The following KIAA0319 variants were observed in gnomAD, a reference collection of about 807,000 sequenced individuals.
KIAA0319 encodes the protein KIAA0319.
A neutral mutation model predicts 108.4 loss-of-function variants in KIAA0319; 83 were observed. The observed-to-expected ratio is 0.77, with a 90% confidence interval of 0.64 to 0.92. The LOEUF is 0.92. Ranked by LOEUF, KIAA0319 falls within the 40% of genes least tolerant of loss-of-function variation. The pLI, the probability that KIAA0319 is intolerant of heterozygous loss-of-function variation, is 0.00. For missense variants in KIAA0319, 1,195 were observed against 1,322.4 expected (o/e 0.90, Z 1.49); for synonymous variants, 484 against 510.4 (o/e 0.95, Z 0.70).
rs532534869 is a variant in KIAA0319, at chr6:24,575,829, C to T, written c.1734+539G>A. 3.3e-5 allele frequency among the ~76,000 whole-genome samples: 5 copies of T among 151,776 alleles called. No individual in the cohort carries two copies. In the East Asian group the frequency reaches 9.7e-4, roughly 29 times the overall value. On this transcript the variant is annotated intron_variant, in intron 10 of 20. Transcript: ENST00000378214. Reference sequence around the variant, plus strand: ...TAGCAACAAAAACAAATAGCTTTGCCAATCACAAAAAGAAGAATAAGCAAA... The same window carrying T: ...TAGCAACAAAAACAAATAGCTTTGCTAATCACAAAAAGAAGAATAAGCAAA...
At chr6:24,608,361 T>C (rs893778530) in intron 1 of KIAA0319, among the ~76,000 whole-genome samples, 1 of 152,076 alleles carries the variant, frequency 6.6e-6, no homozygotes. Context: ...TTTCCTAAAT[T>C]AATTAAAATG....
chr6:24,577,275 G>A (rs1424825732), intron 9 of KIAA0319, among the ~76,000 whole-genome samples: 1 of 152,184 alleles, frequency 6.6e-6, no homozygotes, highest in Non-Finnish European at 1.5e-5. Flanking sequence ...CCTGCAGGTT[G>A]AGCATGCAGA....
chr6:24,603,299 C>T (rs1239355326), intron 1 of KIAA0319, among the ~76,000 whole-genome samples: 1 of 152,028 alleles, frequency 6.6e-6, no homozygotes, highest in Admixed American at 6.6e-5. Context: ...ACTGGTTTGC[C>T]CAAAGTAGAA....
chr6:24,561,627 C>A (rs1382717054), intron 16 of KIAA0319, among the ~76,000 whole-genome samples: 1 of 152,064 alleles, frequency 6.6e-6, no homozygotes, highest in Middle Eastern at 3.2e-3. Context: ...TGGCTCACAG[C>A]AGCCTCAACC....
rs771546218 is a variant in KIAA0319 at position 24,596,501 on chromosome 6, G to A, written c.173C>T (p.Thr58Met). 1.5e-5 allele frequency: 25 copies of A among 1,614,000 alleles called. No homozygotes were observed. The highest frequency in any genetic ancestry group is 6.7e-5 in the East Asian group (3 of 44,884). ...GCTGGACAGGTCACAGCAAGCGGCC[G>A]TGCAGTCTACGACAGGGAAGGTGTG... ...VSHTFPVVDCTAACCDLSSCD... is the reference protein window; with the variant it reads ...VSHTFPVVDCMAACCDLSSCD... Residue 58 changes from threonine (T) to methionine (M), a missense_variant, in exon 3 of 21, where the codon ACG (threonine) becomes ATG (methionine). Thr to Met is a moderately conservative substitution (Grantham distance 81). Coordinates refer to ENST00000378214, the MANE Select transcript of KIAA0319 (RefSeq NM_014809.4).
intron 4 of KIAA0319, among the ~76,000 whole-genome samples, chr6:24,585,001 A>G (rs1767235808): frequency 6.6e-6 from 1 of 152,236 alleles, no homozygotes; most frequent in African/African-American, 2.4e-5. Context: ...AGTAAATACA[A>G]AAGTTAGAGA....
intron 1 of KIAA0319, among the ~76,000 whole-genome samples, chr6:24,626,557 T>C (rs1562095853): frequency 6.6e-6 from 1 of 152,146 alleles, no homozygotes; most frequent in Non-Finnish European, 1.5e-5. Flanking sequence ...GAAACTGTTT[T>C]GAAATTGATG....
At chr6:24,570,266 T>C (rs1026944798) in intron 11 of KIAA0319, among the ~76,000 whole-genome samples, 1 of 152,146 alleles carries the variant, frequency 6.6e-6, no homozygotes, top group Non-Finnish European at 1.5e-5. Context: ...CTGTCTCTAA[T>C]AGACACATCT....
At chr6:24,581,106 C>T (rs1434360559) in intron 6 of KIAA0319, 93 bp from the exon 7 acceptor site, 1 of 776,244 alleles carries the variant, frequency 1.3e-6, no homozygotes, top group African/African-American at 1.7e-5. Context: ...AGCCGCACTC[C>T]TAAAGTCAGC....
At chr6:24,633,956 A>G (rs1335195756) in intron 1 of KIAA0319, among the ~76,000 whole-genome samples, 9 of 152,256 alleles carry the variant, frequency 5.9e-5, no homozygotes, top group Non-Finnish European at 4.4e-5. Flanking sequence ...ATTAATGTGA[A>G]TAGTAAAGAA....
At chr6:24,644,508 C>T (rs1407880378) in intron 1 of KIAA0319, among the ~76,000 whole-genome samples, 1 of 151,652 alleles carries the variant, frequency 6.6e-6, no homozygotes, top group African/African-American at 2.4e-5. Context: ...CCTTATACCT[C>T]GTTGTGCTTA....
chr6:24,562,589 C>T (rs1381583418), intron 16 of KIAA0319, among the ~76,000 whole-genome samples: 1 of 152,182 alleles, frequency 6.6e-6, no homozygotes, highest in Non-Finnish European at 1.5e-5. Flanking sequence ...CTTATAATCC[C>T]AGCACCCTGG....
rs577827830 is a variant in KIAA0319 at position 24,626,487 on chromosome 6, G to A, written c.-106+19249C>T. Among the ~76,000 whole-genome samples, 11 of 152,228 alleles carry A rather than the reference G, an allele frequency of 7.2e-5. No individual in the cohort carries two copies. The South Asian group carries it at 1.9e-3, about 26-fold the overall frequency. ...GTGAAGGTTGCAGTGAGCAGAGATC[G>A]TGCCACTGCACTCCAGCCTGGGCAA... is the stretch of plus-strand genomic sequence containing the variant. On this transcript the variant is annotated intron_variant, in intron 1 of 20. Transcript: ENST00000378214.
At chr6:24,554,715 C>A in intron 18 of KIAA0319, 84 bp from the exon 19 acceptor site, 4 of 998,238 alleles carry the variant, frequency 4.0e-6, no homozygotes, top group Non-Finnish European at 6.3e-6. Context: ...ACAACTATTT[C>A]TGAATCCCTA....
At chr6:24,580,757 G>GAA (rs66935018) in intron 7 of KIAA0319, among the ~76,000 whole-genome samples, 169 bp downstream of exon 7, 1 of 150,744 alleles carries the variant, frequency 6.6e-6, no homozygotes, top group African/African-American at 2.4e-5. Flanking sequence ...GCGAAAGGTA[G>GAA]AAAAAAAAAC....
At chr6:24,551,576 G>A (rs780762682) in intron 19 of KIAA0319, 51 bp from the exon 20 acceptor site, 1 of 1,264,834 alleles carries the variant, frequency 7.9e-7, no homozygotes, top group Non-Finnish European at 1.2e-6. Flanking sequence ...AGGTAACTGA[G>A]AGCTAGGATT....
At chr6:24,621,217 G>A (rs1216407795) in intron 1 of KIAA0319, among the ~76,000 whole-genome samples, 2 of 152,234 alleles carry the variant, frequency 1.3e-5, no homozygotes, top group East Asian at 3.8e-4. Context: ...AGACAAAAAG[G>A]TATTTCAGGT....
At chr6:24,584,550 C>A (rs1167497591) in intron 4 of KIAA0319, among the ~76,000 whole-genome samples, 1 of 151,960 alleles carries the variant, frequency 6.6e-6, no homozygotes, top group African/African-American at 2.4e-5. Flanking sequence ...CCCTCGAGTG[C>A]CTCCTAGATC....
At chr6:24,602,663 T>C (rs1770814119) in intron 1 of KIAA0319, among the ~76,000 whole-genome samples, 1 of 151,926 alleles carries the variant, frequency 6.6e-6, no homozygotes, top group Admixed American at 6.6e-5. Context: ...TAGCTGGGCG[T>C]GGTGGCGGGC....
Sources: gnomAD v4.1 joint callset for allele counts (sites outside exome capture counted in the v4.1 genomes callset) on GRCh38, gnomAD v4.1.1 for gene constraint, MANE v1.5 for transcripts, NCBI Gene and HGNC (gene_info 2026-07-23, HGNC 2026-07-21) for gene names.